LAMA1: variants seen among roughly 807,000 people sequenced by gnomAD.
The protein encoded by LAMA1 is laminin subunit alpha-1.
Under a neutral mutation model 348.7 loss-of-function variants are expected in LAMA1, and 219 were observed. That is an observed-to-expected ratio of 0.63 (90% CI 0.56 to 0.70). The LOEUF is 0.70. Ranked by LOEUF, LAMA1 falls within the 30% of genes least tolerant of loss-of-function variation. The pLI, the probability that LAMA1 is intolerant of heterozygous loss-of-function variation, is 0.00. For synonymous variants in LAMA1, 1,487 were observed against 1,491.0 expected (o/e 1.00, Z 0.06); for missense variants, 3,744 against 3,888.0 (o/e 0.96, Z 0.99).
chr18:6,956,634 A>C lies in LAMA1; in HGVS notation c.8094+2T>G. The C allele has an allele frequency of 6.2e-7, 1 of 1,613,986 alleles. No homozygotes were observed. The highest frequency in any genetic ancestry group is 1.1e-5 in the South Asian group (1 of 91,078). ...ACTGATAGTAAAGGAAGCCGCTCCT[A>C]CTGGAAAAGCCCGGGGCTCTGGCAA... On this transcript the variant is annotated splice_donor_variant, in intron 56 of 62. Coordinates refer to ENST00000389658, the MANE Select transcript of LAMA1 (RefSeq NM_005559.4). LOFTEE classifies it high-confidence loss of function.
At chr18:6,995,587 T>A in intron 33 of LAMA1, 141 bp from the exon 34 acceptor site, 2 of 664,966 alleles carry the variant, frequency 3.0e-6, no homozygotes, top group Non-Finnish European at 5.4e-6. Context: ...AAAAAATGGA[T>A]CACATTTACT....
At chr18:7,078,965 G>C (rs1349094742) in intron 3 of LAMA1, among the ~76,000 whole-genome samples, 1 of 151,820 alleles carries the variant, frequency 6.6e-6, no homozygotes, top group Non-Finnish European at 1.5e-5. Flanking sequence ...CCAGCCTGAC[G>C]ACAGAGTGAG....
At chr18:7,004,932 G>A (rs28636984) in intron 29 of LAMA1, among the ~76,000 whole-genome samples, 3,433 of 152,286 alleles carry the variant, frequency 0.023, 123 homozygotes, top group African/African-American at 0.078. Context: ...AGTCAATGCC[G>A]TGAGGCAGCA....
At chr18:7,036,487 T>C (rs2057995298) in intron 12 of LAMA1, among the ~76,000 whole-genome samples, 1 of 152,234 alleles carries the variant, frequency 6.6e-6, no homozygotes, top group African/African-American at 2.4e-5. Context: ...CAACAAAGAA[T>C]ATGTCTGATT....
intron 40 of LAMA1, 86 bp from the exon 41 acceptor site, chr18:6,982,676 GC>G: frequency 1.8e-6 from 2 of 1,084,028 alleles, no homozygotes; most frequent in Non-Finnish European, 2.9e-6. Flanking sequence ...CATCAGAGTA[GC>G]CCCCAGACAC....
intron 3 of LAMA1, among the ~76,000 whole-genome samples, chr18:7,068,675 A>G (rs1049373687): frequency 2.6e-5 from 4 of 152,212 alleles, no homozygotes; most frequent in African/African-American, 9.6e-5. Flanking sequence ...TAAAAACACA[A>G]GAGATATTCT....
At chr18:7,011,613 T>G in intron 24 of LAMA1, 134 bp from the exon 25 acceptor site, 1 of 956,002 alleles carries the variant, frequency 1.0e-6, no homozygotes, top group South Asian at 1.4e-5. Context: ...AGACTTTTCC[T>G]TTAAACTAAA....
At position 6,947,188 on chromosome 18, in the gene LAMA1, A is replaced by G. The variant is rs755439582; in HGVS notation, c.8819T>C (p.Ile2940Thr). Residue 2940 changes from isoleucine (I) to threonine (T), a missense_variant, in exon 61 of 63, where the codon ATT becomes ACT. Ile to Thr is a moderately conservative substitution (Grantham distance 89). Transcript: ENST00000389658. ...LGISTAKVDA[I>T]GLELVDGKVL... The stretch of plus-strand genomic sequence containing the variant: ...CTTGCCGTCCACAAGCTCTAGTCCA[A>G]TGGCATCCACTTTGGCAGTGCTGAT... 2.5e-6 allele frequency: 4 copies of G among 1,614,178 alleles called. No individual in the cohort carries two copies. The highest frequency in any genetic ancestry group is 2.5e-6 in the Non-Finnish European group (3 of 1,180,034).
intron 33 of LAMA1, among the ~76,000 whole-genome samples, chr18:6,997,297 C>A (rs976217717): frequency 2.6e-5 from 4 of 152,166 alleles, no homozygotes; most frequent in African/African-American, 9.7e-5. Flanking sequence ...CTCTTGACCT[C>A]GTGATCCACC....
intron 1 of LAMA1, among the ~76,000 whole-genome samples, chr18:7,114,025 C>A (rs1176561687): frequency 1.4e-5 from 2 of 146,190 alleles, no homozygotes; most frequent in East Asian, 2.0e-4. Flanking sequence ...TGCAGTGAGC[C>A]GAGATCGTGC....
In LAMA1 at chr18:7,026,091, T is replaced by G. The variant is rs1598286320; in HGVS notation, c.2290A>C (p.Thr764Pro). 6.2e-7 allele frequency: 1 copy of G among 1,611,220 alleles called. No homozygotes were observed. Among genetic ancestry groups the G allele is most frequent in the Admixed American group, 1.7e-5 (1 of 59,756 alleles). The change falls in exon 17 of 63, where the codon ACC becomes CCC. Residue 764 changes from threonine (T) to proline (P), a missense_variant. This residue lies in a region of LAMA1 where 1,529 missense variants were observed against 1,689.4 expected (regional missense o/e 0.91). Transcript: ENST00000389658. Reference sequence around the variant, plus strand: ...CACTGCTCACAGTGGACGCCGGTGGTGTTGTGCGCACACGCCTAGGAACAT... The same window carrying G: ...CACTGCTCACAGTGGACGCCGGTGGGGTTGTGCGCACACGCCTAGGAACAT... ...HGVCIACAHN[T>P]TGVHCEQCLP... is the part of the protein sequence containing the mutation.
chr18:7,009,412 T>A, intron 26 of LAMA1, 46 bp from the exon 27 acceptor site: 1 of 1,603,304 alleles, frequency 6.2e-7, no homozygotes, highest in Non-Finnish European at 8.5e-7. Context: ...GGCCAAATTC[T>A]GACAGGCATA....
intron 16 of LAMA1, among the ~76,000 whole-genome samples, chr18:7,030,989 C>G (rs1384811288): frequency 6.6e-6 from 1 of 152,042 alleles, no homozygotes; most frequent in Non-Finnish European, 1.5e-5. Context: ...CGTAAACCAC[C>G]CCTTCATGCA....
chr18:6,942,796 T>C (rs1395745524), intron 62 of LAMA1, among the ~76,000 whole-genome samples: 1 of 152,170 alleles, frequency 6.6e-6, no homozygotes, highest in Admixed American at 6.5e-5. Context: ...TTTGCAACAA[T>C]TCCTTGGAAC....
chr18:6,945,321 T>G (rs960799103), intron 61 of LAMA1, among the ~76,000 whole-genome samples: 1 of 152,060 alleles, frequency 6.6e-6, no homozygotes, highest in African/African-American at 2.4e-5. Context: ...TCAAGTTAGT[T>G]CTGGTTTGTC....
chr18:7,023,345 TGTTGG>T lies in LAMA1; in HGVS notation c.2515_2519del (p.Pro839SerfsTer10). On this transcript the variant is annotated frameshift_variant, in exon 19 of 63. Transcript: ENST00000389658. LOFTEE classifies it high-confidence loss of function. Reference sequence around the variant, plus strand: ...AGGGAACACAAGATTCGCCAGGCACTGTTGGGTTTCCATAGTAACCATCTGCACAT... The same window carrying T: ...AGGGAACACAAGATTCGCCAGGCACTGTTTCCATAGTAACCATCTGCACAT... 2 of 1,614,192 alleles carry T rather than the reference TGTTGG, an allele frequency of 1.2e-6. No individual in the cohort carries two copies. Among genetic ancestry groups the T allele is most frequent in the Non-Finnish European group, 1.7e-6 (2 of 1,180,048 alleles).
rs1164056691 is a variant in LAMA1, at chr18:6,947,177, G to A, written c.8830C>T (p.Leu2944Phe). ...GAAGCACCCACCTTGCCGTCCACAA[G>A]CTCTAGTCCAATGGCATCCACTTTG... ...TAKVDAIGLELVDGKVLFHVN... is the reference protein window; with the variant it reads ...TAKVDAIGLEFVDGKVLFHVN... The change falls in exon 61 of 63, where the codon CTT becomes TTT. Residue 2944 changes from leucine (L) to phenylalanine (F), a missense_variant. Leu to Phe is a conservative substitution (Grantham distance 22). Coordinates refer to ENST00000389658, the MANE Select transcript of LAMA1 (RefSeq NM_005559.4). 1.2e-6 allele frequency: 2 copies of A among 1,614,092 alleles called. No individual in the cohort carries two copies. Among genetic ancestry groups the A allele is most frequent in the Non-Finnish European group, 1.7e-6 (2 of 1,180,056 alleles).
chr18:7,021,683 T>C (rs2057915902), intron 19 of LAMA1, among the ~76,000 whole-genome samples: 2 of 151,232 alleles, frequency 1.3e-5, no homozygotes, highest in Admixed American at 6.6e-5. Context: ...ATTATTAAAA[T>C]ACATTTCACC....
At chr18:7,035,913 A>T in intron 13 of LAMA1, 74 bp downstream of exon 13, 2 of 1,255,472 alleles carry the variant, frequency 1.6e-6, no homozygotes, top group Non-Finnish European at 2.3e-6. Context: ...GTCCTCACCT[A>T]GTAACTTTCA....
Sources: gnomAD v4.1 joint callset for allele counts (sites outside exome capture counted in the v4.1 genomes callset) on GRCh38, gnomAD v4.1.1 for gene constraint, gnomAD v4.1.1 regional missense constraint, MANE v1.5 for transcripts, NCBI Gene and HGNC (gene_info 2026-07-23, HGNC 2026-07-21) for gene names.